LRBA: variants seen among roughly 807,000 people sequenced by gnomAD.
LRBA encodes LPS responsive beige-like anchor protein.
A neutral mutation model predicts 330.0 loss-of-function variants in LRBA; 176 were observed. The ratio of observed to expected loss-of-function variants is 0.53; its 90% CI spans 0.47 to 0.60. LRBA has a LOEUF of 0.60. LRBA is among the 20% of genes least tolerant of loss of function. The pLI is 0.00. For synonymous variants in LRBA, 1,230 were observed against 1,193.0 expected, an observed-to-expected ratio of 1.03 and a Z score of -0.64; for missense variants, 3,259 against 3,444.8, an observed-to-expected ratio of 0.95 and a Z score of 1.35.
chr4:150,436,678 A>T (rs1751151044), intron 45 of LRBA, 46 bp downstream of exon 45: 1 of 1,557,146 alleles, frequency 6.4e-7, no homozygotes, highest in Non-Finnish European at 8.8e-7. Flanking sequence ...ATCCTTCACA[A>T]CACTGAATTT....
chr4:150,993,670 CA>C (rs1742340036), intron 2 of LRBA, among the ~76,000 whole-genome samples: 2 of 152,192 alleles, frequency 1.3e-5, no homozygotes, highest in Non-Finnish European at 2.9e-5. Context: ...GCATTTCTTA[CA>C]TGGTGGTGGC....
intron 47 of LRBA, among the ~76,000 whole-genome samples, chr4:150,361,586 A>G (rs1054343684): frequency 6.6e-6 from 1 of 151,478 alleles, no homozygotes; most frequent in Non-Finnish European, 1.5e-5. Flanking sequence ...TGATTTTCCT[A>G]TTCATTTTCT....
At chr4:150,271,424 G>A (rs1746083463) in intron 56 of LRBA, among the ~76,000 whole-genome samples, 1 of 151,490 alleles carries the variant, frequency 6.6e-6, no homozygotes, top group African/African-American at 2.4e-5. Flanking sequence ...CTGGCTCGGT[G>A]GGTCCCACTC....
At position 150,798,207 on chromosome 4, in the gene LRBA, C is replaced by T. The variant is rs1741085452; in HGVS notation, c.5519-65G>A. 3 of 1,015,598 alleles carry T rather than the reference C, an allele frequency of 3.0e-6. No individual in the cohort carries two copies. The Admixed American group carries it at 5.3e-5, about 18-fold the overall frequency. The allele number at this position is 1,015,598 out of a possible 1,614,324, so 62.9% of individuals were successfully genotyped here. A position where few individuals can be genotyped will look rare whatever the true frequency, so the allele number is the denominator to read the frequency against. The stretch of plus-strand genomic sequence containing the variant: ...AACAAATGAGGATTTGTTACAATTT[C>T]ATCCAAACTGTTTCTTCAAATTATT... On this transcript the variant is annotated intron_variant, in intron 33 of 56. Transcript: ENST00000651943.
At chr4:150,693,558 C>T (rs1243238776) in intron 36 of LRBA, among the ~76,000 whole-genome samples, 31 of 26,406 alleles carry the variant, frequency 1.2e-3, no homozygotes, top group Admixed American at 6.5e-3. Flanking sequence ...AGCGAGACTC[C>T]GTCTCAAAAA....
chr4:150,389,676 C>CAAAAAAA lies in LRBA; in HGVS notation c.7194+25755_7194+25761dup, dbSNP rs34170088. On this transcript the variant is annotated intron_variant, in intron 47 of 56. Coordinates refer to ENST00000651943, the MANE Select transcript of LRBA (RefSeq NM_001364905.1). ...TGGGTGACAGAGCAAGACTCTGTCT[C>CAAAAAAA]AAAAAAAAAAAAAAAAAAAAAGAAA... 5.6e-3 allele frequency among the ~76,000 whole-genome samples: 447 copies of CAAAAAAA among 79,958 alleles called. 9 individuals are homozygous for CAAAAAAA. Among genetic ancestry groups the CAAAAAAA allele is most frequent in the Middle Eastern group, 0.019 (2 of 104 alleles). 52.5% of individuals were successfully genotyped at this position (79,958 alleles called of 152,430 possible).
At chr4:150,549,933 C>T (rs559565185) in intron 40 of LRBA, among the ~76,000 whole-genome samples, 1 of 152,278 alleles carries the variant, frequency 6.6e-6, no homozygotes, top group South Asian at 2.1e-4. Context: ...GAGGGAACTA[C>T]GAATCCTGGC....
chr4:150,625,865 A>G lies in LRBA; in HGVS notation c.5922-26734T>C, dbSNP rs956311204. On this transcript the variant is annotated intron_variant, in intron 37 of 56. Coordinates refer to ENST00000651943, the MANE Select transcript of LRBA (RefSeq NM_001364905.1). ...GCTGGGATTACAGGCACCCACCACC[A>G]CACCCGGCTAATTTTTGTATTTTTA... Among the ~76,000 whole-genome samples, 4 of 151,626 alleles carry G rather than the reference A, an allele frequency of 2.6e-5. No individual in the cohort carries two copies. In the East Asian group the frequency reaches 7.7e-4, roughly 29 times the overall value.
intron 34 of LRBA, among the ~76,000 whole-genome samples, chr4:150,796,129 C>T (rs1414005276): frequency 2.6e-5 from 4 of 151,782 alleles, no homozygotes; most frequent in African/African-American, 7.2e-5. Context: ...TGCTTCCCAC[C>T]CTATCTCAGA....
At position 150,683,704 on chromosome 4, in the gene LRBA, T is replaced by G; in HGVS notation, c.5768A>C (p.Gln1923Pro). The stretch of plus-strand genomic sequence containing the variant: ...ATCTTCTCGTTTGTCTGCAGAATAC[T>G]GGGCACACAGTGACTTGGAGAGAAA... ...RHAEFESLCA[Q>P]YSADKREDEK... is the part of the protein sequence containing the mutation. The change falls in exon 37 of 57, where the codon CAG becomes CCG. Residue 1923 changes from glutamine (Q) to proline (P), a missense_variant. Transcript: ENST00000651943. 1 of 1,610,494 alleles carries G rather than the reference T, an allele frequency of 6.2e-7. No homozygotes were observed. Among genetic ancestry groups the G allele is most frequent in the Non-Finnish European group, 8.5e-7 (1 of 1,177,732 alleles).
intron 37 of LRBA, among the ~76,000 whole-genome samples, chr4:150,627,413 T>C (rs1252043863): frequency 6.6e-6 from 1 of 152,032 alleles, no homozygotes; most frequent in Admixed American, 6.6e-5. Context: ...AAATGTTAAA[T>C]CATTATTAGT....
At chr4:150,930,353 C>G (rs1180037741) in intron 2 of LRBA, among the ~76,000 whole-genome samples, 2 of 151,616 alleles carry the variant, frequency 1.3e-5, no homozygotes, top group African/African-American at 4.8e-5. Context: ...CTTAGCCAGG[C>G]ATGGTGGCAT....
chr4:150,794,998 T>C (rs1233214691), intron 34 of LRBA, among the ~76,000 whole-genome samples: 1 of 152,068 alleles, frequency 6.6e-6, no homozygotes, highest in Non-Finnish European at 1.5e-5. Flanking sequence ...GCCATACACA[T>C]TATTTATTTA....
intron 37 of LRBA, among the ~76,000 whole-genome samples, chr4:150,669,271 T>C (rs1469217574): frequency 2.6e-5 from 4 of 152,222 alleles, no homozygotes; most frequent in Non-Finnish European, 1.5e-5. Context: ...CAGCTTCCTC[T>C]AATGTTATAA....
In LRBA at chr4:150,827,977, A is replaced by G. The variant is rs573691998; in HGVS notation, c.5171+203T>C. On this transcript the variant is annotated intron_variant, in intron 30 of 56. Transcript: ENST00000651943. ...TGTAAGATTACAGTATATAATACAT[A>G]TAACAATCAAAATATGTGTGAATCA... Among the ~76,000 whole-genome samples the G allele has an allele frequency of 2.6e-5, 4 of 152,276 alleles. No individual in the cohort carries two copies. The East Asian group carries it at 5.8e-4, about 22-fold the overall frequency.
chr4:150,365,097 C>A (rs1392615623), intron 47 of LRBA, among the ~76,000 whole-genome samples: 4 of 152,032 alleles, frequency 2.6e-5, no homozygotes, highest in African/African-American at 9.7e-5. Flanking sequence ...GCAGCCTCGA[C>A]CTCCTGAGCT....
rs1179962218 is a variant in LRBA at position 150,583,825 on chromosome 4, G to C, written c.6330+4223C>G. 14 of 1,614,190 alleles carry C rather than the reference G, an allele frequency of 8.7e-6. No individual in the cohort carries two copies. The highest frequency in any genetic ancestry group is 1.1e-5 in the Non-Finnish European group (13 of 1,180,034). On this transcript the variant is annotated intron_variant, in intron 40 of 56. Transcript: ENST00000651943. The surrounding 1 kb of genome is among the most constrained non-coding windows in gnomAD (Gnocchi z 9.8). Reference sequence around the variant, plus strand: ...GCGGGACCGCCACCTGGAGCTACCCGGCCAGCCGCTCAACAACTACCACAT... The same window carrying C: ...GCGGGACCGCCACCTGGAGCTACCCCGCCAGCCGCTCAACAACTACCACAT...
chr4:150,759,337 ATC>A (rs1239952770), intron 35 of LRBA, among the ~76,000 whole-genome samples: 1 of 152,156 alleles, frequency 6.6e-6, no homozygotes, highest in Non-Finnish European at 1.5e-5. Flanking sequence ...GCCCTATGTT[ATC>A]TCTCTGACCT....
intron 37 of LRBA, among the ~76,000 whole-genome samples, chr4:150,609,441 G>C (rs1204529515): frequency 6.6e-6 from 1 of 152,166 alleles, no homozygotes; most frequent in African/African-American, 2.4e-5. Context: ...TCCGGGGACA[G>C]AGAACTGAAA....
Sources: gnomAD v4.1 joint callset for allele counts (sites outside exome capture counted in the v4.1 genomes callset) on GRCh38, gnomAD v4.1.1 for gene constraint, Gnocchi (gnomAD v3.1) non-coding constraint, MANE v1.5 for transcripts, NCBI Gene and HGNC (gene_info 2026-07-23, HGNC 2026-07-21) for gene names.